The following TMEM132A variants were observed in gnomAD, a reference collection of about 807,000 sequenced individuals.
TMEM132A encodes transmembrane protein 132A.
TMEM132A carries 48 observed loss-of-function variants against 69.9 expected under a neutral mutation model. The observed-to-expected ratio is 0.69, with a 90% CI of 0.55 to 0.87. The LOEUF is 0.87. Ranked by LOEUF, TMEM132A falls within the 40% of genes least tolerant of loss-of-function variation. The pLI, the probability that TMEM132A is intolerant of heterozygous loss-of-function variation, is 0.00. For missense variants in TMEM132A, 1,287 were observed against 1,407.2 expected (o/e 0.91, Z 1.37); for synonymous variants, 577 against 613.7 (o/e 0.94, Z 0.88).
intron 3 of TMEM132A, 110 bp downstream of exon 3, chr11:60,927,969 AC>A: frequency 1.1e-6 from 1 of 885,082 alleles, no homozygotes; most frequent in Non-Finnish European, 1.7e-6. Flanking sequence ...GGGGTTGTGG[AC>A]CACCCGACTC....
At position 60,924,514 on chromosome 11, in the gene TMEM132A, G is replaced by C; in HGVS notation, c.-120G>C. 2 of 601,944 alleles carry C rather than the reference G, an allele frequency of 3.3e-6. No individual in the cohort carries two copies. Among genetic ancestry groups the C allele is most frequent in the Non-Finnish European group, 4.9e-6 (2 of 410,640 alleles). The allele number at this position is 601,944 out of a possible 1,614,324, so 37.3% of individuals were successfully genotyped here. A position where few individuals can be genotyped will look rare whatever the true frequency, so the allele number is the denominator to read the frequency against. ...CAGCCGCGGGGCGGGCGGCGGCGGC[G>C]GCGGCGGCGGCCGGGACCCAGCGGG... On this transcript the variant is annotated 5_prime_UTR_variant, in exon 1 of 11. Coordinates refer to ENST00000453848, the MANE Select transcript of TMEM132A (RefSeq NM_178031.3).
chr11:60,932,361 T>C (rs1856499730), intron 7 of TMEM132A: 1 of 440,024 alleles, frequency 2.3e-6, no homozygotes, highest in Non-Finnish European at 3.9e-6. Flanking sequence ...ATTATTGCAC[T>C]GGCAAGTGCG....
Position 60,927,696 on chromosome 11 carries a change from G to A in TMEM132A, c.371G>A (p.Arg124Gln), listed in dbSNP as rs1186294209. 3.1e-6 allele frequency: 5 copies of A among 1,613,498 alleles called. No individual in the cohort carries two copies. The highest frequency in any genetic ancestry group is 1.3e-5 in the African/African-American group (1 of 74,928). ...PHQRPVPWDV[R>Q]AVSVEAAVTP... Reference sequence around the variant, plus strand: ...CAACGGCCAGTCCCATGGGACGTGCGGGCCGTTTCAGTGGAAGCGGCTGTG... The same window carrying A: ...CAACGGCCAGTCCCATGGGACGTGCAGGCCGTTTCAGTGGAAGCGGCTGTG... The change falls in exon 3 of 11, where the codon CGG (arginine) becomes CAG (glutamine). Residue 124 changes from arginine to glutamine, a missense_variant. Coordinates refer to ENST00000453848, the MANE Select transcript of TMEM132A (RefSeq NM_178031.3).
At chr11:60,933,370 G>A (rs1403320401) in intron 7 of TMEM132A, 172 bp from the exon 8 acceptor site, 1 of 594,920 alleles carries the variant, frequency 1.7e-6, no homozygotes. Context: ...TTTTTGTAGA[G>A]AGGGAGTTTT....
chr11:60,935,220 G>A lies in TMEM132A; in HGVS notation c.1837-32G>A, dbSNP rs917382324. 1.9e-6 allele frequency: 3 copies of A among 1,566,120 alleles called. No individual in the cohort carries two copies. Among genetic ancestry groups the A allele is most frequent in the African/African-American group, 2.7e-5 (2 of 74,174 alleles). Reference sequence around the variant, plus strand: ...TGGGTGGGGGCTGTCTGTATGGAAGGCCCCCCACCTCCAGCTCCTTTCCAC... The same window carrying A: ...TGGGTGGGGGCTGTCTGTATGGAAGACCCCCCACCTCCAGCTCCTTTCCAC... On this transcript the variant is annotated intron_variant, in intron 9 of 10. Transcript: ENST00000453848. The surrounding 1 kb of genome is among the most constrained non-coding windows in gnomAD (Gnocchi z 5.0).
In TMEM132A at chr11:60,936,611, G is replaced by T; in HGVS notation, c.2776G>T (p.Glu926Ter). Residue 926 changes from glutamate to a stop codon, truncating the protein, a stop_gained, in exon 11 of 11, where the codon GAG (glutamate) becomes TAG (stop). Transcript: ENST00000453848. LOFTEE classifies it low-confidence loss of function (END_TRUNC). ...PPKGEGSCPC[E>*]SGGGGEAPTL... ...CAAGGGGGAGGGGAGCTGCCCCTGT[G>T]AGAGTGGGGGAGGAGGGGAGGCCCC... 1 of 1,579,338 alleles carries T rather than the reference G, an allele frequency of 6.3e-7. No individual in the cohort carries two copies.
chr11:60,933,623 C>T lies in TMEM132A; in HGVS notation c.1438C>T (p.Arg480Cys), dbSNP rs151003082. ...ARGVRVDFWW[R>C]RLRASLRLTV... The stretch of plus-strand genomic sequence containing the variant: ...GGGGGTGCGAGTGGACTTCTGGTGG[C>T]GCCGGCTCCGCGCCTCGCTGCGGCT... Residue 480 changes from arginine (R) to cysteine (C), a missense_variant, in exon 8 of 11, where the codon CGC (arginine) becomes TGC (cysteine). Arg to Cys is a radical substitution (Grantham distance 180, BLOSUM62 -3). Coordinates refer to ENST00000453848, the MANE Select transcript of TMEM132A (RefSeq NM_178031.3). 9.3e-6 allele frequency: 15 copies of T among 1,605,496 alleles called. No homozygotes were observed. Among genetic ancestry groups the T allele is most frequent in the African/African-American group, 5.3e-5 (4 of 74,832 alleles).
In TMEM132A at chr11:60,936,485, G is replaced by A. The variant is rs1440041885; in HGVS notation, c.2650G>A (p.Ala884Thr). Residue 884 changes from alanine (A) to threonine (T), a missense_variant, in exon 11 of 11, where the codon GCC becomes ACC. Physicochemically the swap from Ala to Thr is moderately conservative, Grantham distance 58. Transcript: ENST00000453848. ...RYQRKEPPDS[A>T]TDPTSPQPHN... Reference sequence around the variant, plus strand: ...TCAGCGCAAAGAACCTCCCGACAGTGCCACTGACCCCACCTCCCCCCAGCC... The same window carrying A: ...TCAGCGCAAAGAACCTCCCGACAGTACCACTGACCCCACCTCCCCCCAGCC... The A allele has an allele frequency of 6.2e-7, 1 of 1,614,026 alleles. No homozygotes were observed. Among genetic ancestry groups the A allele is most frequent in the East Asian group, 2.2e-5 (1 of 44,868 alleles).
Position 60,931,599 on chromosome 11 carries a change from A to G in TMEM132A, c.1017-90A>G. 2.3e-6 allele frequency: 3 copies of G among 1,325,832 alleles called. No homozygotes were observed. In the South Asian group the frequency reaches 4.1e-5, roughly 18 times the overall value. The allele number at this position is 1,325,832 out of a possible 1,614,324, so 82.1% of individuals were successfully genotyped here. A position where few individuals can be genotyped will look rare whatever the true frequency, so the allele number is the denominator to read the frequency against. On this transcript the variant is annotated intron_variant, in intron 5 of 10. Transcript: ENST00000453848. ...TCTGTGCCTCAGTTTCCTCCTGTGTAAAATGGGGATAATCATGAATGCAGG... is the reference window on the plus strand; with the variant it reads ...TCTGTGCCTCAGTTTCCTCCTGTGTGAAATGGGGATAATCATGAATGCAGG...
intron 3 of TMEM132A, among the ~76,000 whole-genome samples, chr11:60,928,354 G>A (rs1300514901): frequency 1.3e-5 from 2 of 152,190 alleles, no homozygotes; most frequent in Non-Finnish European, 2.9e-5. Flanking sequence ...TCCTGGGCTT[G>A]GTTAGGGTAA....
At position 60,928,822 on chromosome 11, in the gene TMEM132A, AC is replaced by A. The variant is rs749738974; in HGVS notation, c.734del (p.Pro245ArgfsTer12). 1.1e-5 allele frequency: 17 copies of A among 1,611,514 alleles called. No homozygotes were observed. The highest frequency in any genetic ancestry group is 1.4e-5 in the Non-Finnish European group (16 of 1,179,678). ...PVGGVELRPA[D>X]PPQYQEVPLD... ...GGGGGTGTGGAGCTGCGCCCAGCAG[AC>A]CCCCCGCAGTACCAGGAGGTACCTC... On this transcript the variant is annotated frameshift_variant, in exon 4 of 11. Coordinates refer to ENST00000453848, the MANE Select transcript of TMEM132A (RefSeq NM_178031.3). LOFTEE classifies it high-confidence loss of function.
In TMEM132A at chr11:60,936,744, C is replaced by T. The variant is rs369062159; in HGVS notation, c.2909C>T (p.Pro970Leu). The T allele has an allele frequency of 6.9e-6, 11 of 1,601,530 alleles. No individual in the cohort carries two copies. Among genetic ancestry groups the T allele is most frequent in the Non-Finnish European group, 9.4e-6 (11 of 1,175,130 alleles). ...RKRVEFVTFA[P>L]APPAQSPEEP... ...CGAGTAGAGTTTGTGACATTTGCGC[C>T]AGCCCCTCCAGCCCAGTCACCTGAG... Residue 970 changes from proline (P) to leucine (L), a missense_variant, in exon 11 of 11, where the codon CCA (proline) becomes CTA (leucine). Transcript: ENST00000453848.
rs1189250164 is a variant in TMEM132A, at chr11:60,934,573, C to A, written c.1645C>A (p.Arg549Ser). ...CHLQYQRAGV[R>S]FLAPFAAHPL... is the part of the protein sequence containing the mutation. ...CCTGCAGTACCAGCGGGCCGGTGTG[C>A]GCTTCCTCGCCCCCTTCGCGGCCCA... Residue 549 changes from arginine (R) to serine (S), a missense_variant, in exon 9 of 11, where the codon CGC becomes AGC. Coordinates refer to ENST00000453848, the MANE Select transcript of TMEM132A (RefSeq NM_178031.3). 3 of 1,543,224 alleles carry A rather than the reference C, an allele frequency of 1.9e-6. No homozygotes were observed. Among genetic ancestry groups the A allele is most frequent in the Non-Finnish European group, 2.6e-6 (3 of 1,153,022 alleles).
chr11:60,934,686 C>A lies in TMEM132A; in HGVS notation c.1758C>A (p.Arg586=). The change falls in exon 9 of 11, where the codon CGC becomes CGA. Residue 586 remains arginine (R), a synonymous_variant. Transcript: ENST00000453848. ...CCCACCTCGTGGCGCCACACGCCCG[C>A]GTGCTGGACTCGCGTGTAGCCTCTC... ...DVSHLVAPHA[R]VLDSRVASLE... The A allele has an allele frequency of 6.2e-7, 1 of 1,604,462 alleles. No homozygotes were observed. Among genetic ancestry groups the A allele is most frequent in the South Asian group, 1.1e-5 (1 of 90,800 alleles).
intron 7 of TMEM132A, chr11:60,933,341 C>T (rs1456366277): frequency 6.8e-6 from 4 of 584,602 alleles, no homozygotes; most frequent in South Asian, 2.1e-5. Context: ...TGCCACCACA[C>T]CCGGCTGATT....
rs1856459001 is a variant in TMEM132A at position 60,930,651 on chromosome 11, A to G, written c.1008A>G (p.Pro336=). 1.2e-6 allele frequency: 2 copies of G among 1,609,096 alleles called. No homozygotes were observed. The highest frequency in any genetic ancestry group is 1.7e-6 in the Non-Finnish European group (2 of 1,177,922). Residue 336 remains proline, a synonymous_variant, in exon 5 of 11, where the codon CCA becomes CCG. Transcript: ENST00000453848. ...GCCACCGTGCTGGGCTCACAGAGCC[A>G]GATTCCAGGTGGGCAGTTTCCCTCC... ...ITCHRAGLTE[P]DSSPLELSEF...
chr11:60,934,333 T>A (rs1856543591), intron 8 of TMEM132A, 155 bp from the exon 9 acceptor site: 7 of 675,448 alleles, frequency 1.0e-5, no homozygotes, highest in Non-Finnish European at 1.1e-5. Context: ...TGGAAGGGCC[T>A]GACCCCAAGA....
chr11:60,927,635 C>G lies in TMEM132A; in HGVS notation c.316-6C>G. 1 of 1,607,618 alleles carries G rather than the reference C, an allele frequency of 6.2e-7. No homozygotes were observed. The highest frequency in any genetic ancestry group is 8.5e-7 in the Non-Finnish European group (1 of 1,177,960). On this transcript the variant is annotated splice_region_variant and splice_polypyrimidine_tract_variant and intron_variant, in intron 2 of 10. Coordinates refer to ENST00000453848, the MANE Select transcript of TMEM132A (RefSeq NM_178031.3). ...CTTTTGTTAAGCCCTCTCATTCTCC[C>G]TCCAGGTGGTCCCCCCTCGAGTCAC...
At chr11:60,930,464 G>C in intron 4 of TMEM132A, 46 bp from the exon 5 acceptor site, 1 of 1,535,786 alleles carries the variant, frequency 6.5e-7, no homozygotes, top group Non-Finnish European at 8.8e-7. Flanking sequence ...CCAGCCCACA[G>C]TTCAGCATGC....
Sources: allele counts gnomAD v4.1 joint callset (sites outside exome capture counted in the v4.1 genomes callset), GRCh38; gene constraint gnomAD v4.1.1; non-coding constraint Gnocchi (gnomAD v3.1); transcripts MANE v1.5; gene names NCBI Gene and HGNC (gene_info 2026-07-23, HGNC 2026-07-21).